RELN: variants seen among roughly 807,000 people sequenced by gnomAD.
The protein encoded by RELN is reelin.
Under a neutral mutation model 427.6 loss-of-function variants are expected in RELN, and 108 were observed. The ratio of observed to expected loss-of-function variants is 0.25; its 90% CI spans 0.22 to 0.30. RELN has a LOEUF of 0.30. Ranked by LOEUF, RELN falls within the 10% of genes least tolerant of loss-of-function variation. The probability of loss-of-function intolerance (pLI) is 1.00; values close to 1 mark genes in which losing one functional copy is unlikely to be tolerated. For synonymous variants in RELN, 1,524 were observed against 1,513.4 expected, an observed-to-expected ratio of 1.01 and a Z score of -0.16; for missense variants, 3,715 against 4,302.8, an observed-to-expected ratio of 0.86 and a Z score of 3.82.
intron 2 of RELN, among the ~76,000 whole-genome samples, chr7:103,868,184 C>A (rs762372835): frequency 1.3e-5 from 2 of 152,048 alleles, no homozygotes; most frequent in Non-Finnish European, 2.9e-5. Context: ...ACATGGATCT[C>A]TTCTTAATCA....
chr7:103,729,726 T>C (rs1204873055), intron 6 of RELN, among the ~76,000 whole-genome samples: 2 of 152,132 alleles, frequency 1.3e-5, no homozygotes, highest in Admixed American at 6.6e-5. Context: ...ATTCCTGAAA[T>C]ATTTGTTGAA....
intron 3 of RELN, among the ~76,000 whole-genome samples, chr7:103,818,914 CTTTT>C (rs967850295): frequency 6.6e-6 from 1 of 151,048 alleles, no homozygotes; most frequent in East Asian, 1.9e-4. Context: ...ATTCATGTTA[CTTTT>C]TTTTAAAAAA....
intron 3 of RELN, among the ~76,000 whole-genome samples, chr7:103,819,518 A>G (rs1024796997): frequency 6.6e-6 from 1 of 152,114 alleles, no homozygotes; most frequent in African/African-American, 2.4e-5. Context: ...TGGAATATGG[A>G]ATTGAAGTTA....
intron 2 of RELN, among the ~76,000 whole-genome samples, chr7:103,892,560 T>C (rs1343284482): frequency 6.6e-6 from 1 of 152,192 alleles, no homozygotes; most frequent in Non-Finnish European, 1.5e-5. Flanking sequence ...GGGTAACTTT[T>C]TTATAAGATC....
intron 1 of RELN, among the ~76,000 whole-genome samples, chr7:103,955,864 G>A (rs923551934): frequency 1.3e-5 from 2 of 152,128 alleles, no homozygotes; most frequent in African/African-American, 4.8e-5. Context: ...TTTCTTTTGA[G>A]GTTAGGGGTC....
At chr7:103,515,143 C>T (rs757242271) in intron 50 of RELN, 42 bp downstream of exon 50, 25 of 1,613,568 alleles carry the variant, frequency 1.5e-5, no homozygotes, top group African/African-American at 4.0e-5. Flanking sequence ...CAAACCACTG[C>T]ATTTCCACTG....
At position 103,728,111 on chromosome 7, in the gene RELN, C is replaced by G. The variant is rs747035573; in HGVS notation, c.753G>C (p.Leu251=). The change falls in exon 7 of 65, where the codon CTG becomes CTC. Residue 251 remains leucine, a splice_region_variant and synonymous_variant. Transcript: ENST00000428762. Reference sequence around the variant, plus strand: ...ATGTACATGAATAGCACATACTTACCAGTTCTCGTGGGCCATATGGTTCAC... The same window carrying G: ...ATGTACATGAATAGCACATACTTACGAGTTCTCGTGGGCCATATGGTTCAC... ...TFCEPYGPRE[L]ITTGLNTTTA... The G allele has an allele frequency of 1.2e-5, 19 of 1,613,484 alleles. No homozygotes were observed. Among genetic ancestry groups the G allele is most frequent in the Admixed American group, 1.7e-5 (1 of 59,878 alleles).
rs75374844 is a variant in RELN at position 103,885,730 on chromosome 7, C to T, written c.337+31345G>A. The stretch of plus-strand genomic sequence containing the variant: ...TCTGCACATGTATCCCAGAACTTAA[C>T]GTACTTTTAAAAAAGAAATCCTCCT... On this transcript the variant is annotated intron_variant, in intron 2 of 64. Transcript: ENST00000428762. 3.9e-3 allele frequency among the ~76,000 whole-genome samples: 596 copies of T among 152,102 alleles called. 21 individuals are homozygous for T. The East Asian group carries it at 0.071, about 18-fold the overall frequency.
intron 37 of RELN, among the ~76,000 whole-genome samples, chr7:103,557,499 T>C (rs1046811933): frequency 2.0e-5 from 3 of 152,178 alleles, no homozygotes; most frequent in Non-Finnish European, 4.4e-5. Flanking sequence ...AATCTCAGGA[T>C]ATAAACAGAA....
intron 1 of RELN, 48 bp from the exon 2 acceptor site, chr7:103,917,233 C>T (rs769517163): frequency 1.5e-6 from 2 of 1,343,410 alleles, no homozygotes; most frequent in East Asian, 2.3e-5. Context: ...GTCAGAATAA[C>T]ACAATATATT....
At position 103,511,021 on chromosome 7, in the gene RELN, C is replaced by A; in HGVS notation, c.8120-16G>T. ...TGCTCATTCACTTAAAACAAAAAAA[C>A]AAAATTTTATGACAAATTTGTGACA... On this transcript the variant is annotated splice_polypyrimidine_tract_variant and intron_variant, in intron 50 of 64. Transcript: ENST00000428762. 1 of 1,606,248 alleles carries A rather than the reference C, an allele frequency of 6.2e-7. No individual in the cohort carries two copies. Among genetic ancestry groups the A allele is most frequent in the Non-Finnish European group, 8.5e-7 (1 of 1,173,486 alleles).
intron 54 of RELN, 35 bp from the exon 55 acceptor site, chr7:103,497,961 T>C (rs772613810): frequency 1.2e-6 from 2 of 1,606,576 alleles, no homozygotes; most frequent in Admixed American, 3.3e-5. Context: ...TCAGAATAAT[T>C]CATTAGAACA....
At chr7:103,683,333 T>G (rs1465092132) in intron 10 of RELN, among the ~76,000 whole-genome samples, 1 of 151,668 alleles carries the variant, frequency 6.6e-6, no homozygotes, top group East Asian at 2.0e-4. Context: ...TGTTAAATAG[T>G]TCAACAAATG....
intron 46 of RELN, among the ~76,000 whole-genome samples, chr7:103,529,684 CAT>C (rs1829897764): frequency 6.6e-6 from 1 of 151,928 alleles, no homozygotes; most frequent in African/African-American, 2.4e-5. Context: ...CTCCTCAGAC[CAT>C]CTCTCTTAGG....
At chr7:103,845,308 A>G (rs1510857) in intron 2 of RELN, among the ~76,000 whole-genome samples, 19,059 of 152,082 alleles carry the variant, frequency 0.13, 1,337 homozygotes, top group East Asian at 0.29. Context: ...CTCAGGCCTC[A>G]GTCACCTGAA....
intron 64 of RELN, among the ~76,000 whole-genome samples, chr7:103,474,262 C>T (rs1208630236): frequency 2.0e-5 from 3 of 151,864 alleles, no homozygotes; most frequent in African/African-American, 7.3e-5. Context: ...AAAGCAATAG[C>T]ATCTGTGCTA....
intron 6 of RELN, among the ~76,000 whole-genome samples, chr7:103,736,576 G>C (rs75702468): frequency 1.3e-5 from 2 of 152,148 alleles, no homozygotes; most frequent in Admixed American, 6.5e-5. Context: ...TAAAAAATTC[G>C]ATCTCGTCTT....
At position 103,565,323 on chromosome 7, in the gene RELN, A is replaced by G; in HGVS notation, c.5165T>C (p.Phe1722Ser). The part of the protein sequence containing the change: ...TESSIYTSER[F>S]QNWKRITVYL... ...GACAGTGATCCGCTTCCAATTCTGG[A>G]ATCTTTCCGAGGTGTAAATTGAACT... is the stretch of plus-strand genomic sequence containing the variant. The change falls in exon 34 of 65, where the codon TTC (phenylalanine) becomes TCC (serine). Residue 1722 changes from phenylalanine to serine, a missense_variant. Phe to Ser is a radical substitution (Grantham distance 155). Transcript: ENST00000428762. The G allele has an allele frequency of 6.2e-7, 1 of 1,614,160 alleles. No homozygotes were observed. Among genetic ancestry groups the G allele is most frequent in the African/African-American group, 1.3e-5 (1 of 75,068 alleles).
At chr7:103,967,182 T>G (rs901594264) in intron 1 of RELN, among the ~76,000 whole-genome samples, 3 of 152,250 alleles carry the variant, frequency 2.0e-5, no homozygotes, top group African/African-American at 2.4e-5. Context: ...GAGGCAGGAT[T>G]CTAACCCATG....
Sources: allele counts gnomAD v4.1 joint callset (sites outside exome capture counted in the v4.1 genomes callset), GRCh38; gene constraint gnomAD v4.1.1; transcripts MANE v1.5; gene names NCBI Gene and HGNC (gene_info 2026-07-23, HGNC 2026-07-21).